The following MCTP1 variants were observed in gnomAD, a reference collection of about 807,000 sequenced individuals.
MCTP1 encodes multiple C2 and transmembrane domain containing 1.
MCTP1 carries 69 observed loss-of-function variants against 120.6 expected under a neutral mutation model. The observed-to-expected ratio is 0.57, with a 90% CI of 0.47 to 0.70. The LOEUF (loss-of-function observed/expected upper bound fraction) is 0.70. Among genes scored for constraint, MCTP1 ranks in the 30% least tolerant of loss-of-function variants. The pLI is 0.00. For synonymous variants in MCTP1, 529 were observed against 493.1 expected (o/e 1.07, Z -0.96); for missense variants, 1,203 against 1,248.8 (o/e 0.96, Z 0.55).
At chr5:94,959,987 G>A (rs561698324) in intron 2 of MCTP1, among the ~76,000 whole-genome samples, 81 of 152,158 alleles carry the variant, frequency 5.3e-4, no homozygotes, top group African/African-American at 2.0e-3. Flanking sequence ...AAATAACAAA[G>A]CTGGATGCAT....
At chr5:94,924,802 G>A (rs1487668601) in intron 6 of MCTP1, among the ~76,000 whole-genome samples, 1 of 152,166 alleles carries the variant, frequency 6.6e-6, no homozygotes, top group Non-Finnish European at 1.5e-5. Flanking sequence ...GACAGTCATG[G>A]GAAAGCATCA....
intron 19 of MCTP1, among the ~76,000 whole-genome samples, chr5:94,733,268 A>G (rs1429754216): frequency 1.3e-5 from 2 of 152,206 alleles, no homozygotes; most frequent in African/African-American, 4.8e-5. Flanking sequence ...GGGATGAGGT[A>G]TTTCTCAGGG....
intron 1 of MCTP1, among the ~76,000 whole-genome samples, chr5:95,092,125 G>T (rs1345211007): frequency 6.6e-6 from 1 of 152,166 alleles, no homozygotes; most frequent in Non-Finnish European, 1.5e-5. Flanking sequence ...AATGAATTTG[G>T]TGATCTAGCT....
At chr5:95,136,265 G>C (rs559652041) in intron 1 of MCTP1, among the ~76,000 whole-genome samples, 2 of 152,260 alleles carry the variant, frequency 1.3e-5, no homozygotes, top group African/African-American at 4.8e-5. Flanking sequence ...GAAATAACTT[G>C]CTCCTGTGTA....
intron 1 of MCTP1, among the ~76,000 whole-genome samples, chr5:95,184,097 G>T: frequency 6.6e-6 from 1 of 151,998 alleles, no homozygotes; most frequent in South Asian, 2.1e-4. Flanking sequence ...CATGGCACAT[G>T]TATACCTATG....
intron 1 of MCTP1, among the ~76,000 whole-genome samples, chr5:95,088,602 G>A (rs888881940): frequency 2.6e-5 from 4 of 152,136 alleles, no homozygotes; most frequent in African/African-American, 4.8e-5. Flanking sequence ...AACAAGTAGC[G>A]GAGTTGGGAT....
At chr5:94,877,647 C>T (rs1002171733) in intron 12 of MCTP1, 1 of 152,084 alleles carries the variant, frequency 6.6e-6, no homozygotes, top group African/African-American at 2.4e-5. Context: ...TTCTCTCTCA[C>T]TCTTAGTCCT....
At chr5:94,827,570 G>A (rs1350859498) in intron 17 of MCTP1, among the ~76,000 whole-genome samples, 1 of 152,100 alleles carries the variant, frequency 6.6e-6, no homozygotes, top group Non-Finnish European at 1.5e-5. Flanking sequence ...TTTCCAACTT[G>A]GTTGCATTTT....
At chr5:95,084,492 A>G (rs993948260) in intron 1 of MCTP1, among the ~76,000 whole-genome samples, 1 of 151,586 alleles carries the variant, frequency 6.6e-6, no homozygotes, top group Non-Finnish European at 1.5e-5. Flanking sequence ...AAGCTGCATT[A>G]GAATCTCCAA....
intron 19 of MCTP1, among the ~76,000 whole-genome samples, chr5:94,740,752 C>T (rs780069044): frequency 7.2e-5 from 11 of 152,106 alleles, no homozygotes; most frequent in Non-Finnish European, 1.3e-4. Flanking sequence ...GCCAGGCTTT[C>T]GAAGAGATAC....
chr5:94,940,726 G>GA (rs1008260053), intron 4 of MCTP1, among the ~76,000 whole-genome samples: 2 of 150,456 alleles, frequency 1.3e-5, no homozygotes, highest in Non-Finnish European at 3.0e-5. Flanking sequence ...AAAATTAATA[G>GA]AAAAAACTTC....
chr5:94,934,147 T>C (rs1815524912), intron 5 of MCTP1, among the ~76,000 whole-genome samples: 1 of 151,646 alleles, frequency 6.6e-6, no homozygotes, highest in Admixed American at 6.6e-5. Flanking sequence ...TTTTAGGTAG[T>C]TGAGTTAAGG....
At chr5:95,221,570 A>C (rs1753700927) in intron 1 of MCTP1, among the ~76,000 whole-genome samples, 1 of 152,224 alleles carries the variant, frequency 6.6e-6, no homozygotes, top group Admixed American at 6.5e-5. Flanking sequence ...AAGCAGACTG[A>C]CATCACCACT....
intron 1 of MCTP1, among the ~76,000 whole-genome samples, chr5:95,165,883 C>T (rs772653378): frequency 6.6e-6 from 1 of 152,172 alleles, no homozygotes; most frequent in African/African-American, 2.4e-5. Flanking sequence ...GAATTTTGCA[C>T]TGACCTACTG....
At chr5:94,863,944 G>A (rs908775147) in intron 17 of MCTP1, among the ~76,000 whole-genome samples, 3 of 151,660 alleles carry the variant, frequency 2.0e-5, no homozygotes, top group Non-Finnish European at 2.9e-5. Context: ...CTGTTGTCCC[G>A]AATATGATCC....
intron 1 of MCTP1, among the ~76,000 whole-genome samples, chr5:95,160,292 T>C (rs1280242681): frequency 1.3e-5 from 2 of 152,134 alleles, no homozygotes; most frequent in Admixed American, 6.5e-5. Flanking sequence ...GCAGATAAAA[T>C]AGATCTTCAG....
chr5:94,918,515 T>C (rs1344915693), intron 7 of MCTP1, among the ~76,000 whole-genome samples: 1 of 152,198 alleles, frequency 6.6e-6, no homozygotes, highest in Non-Finnish European at 1.5e-5. Context: ...TTTCTGCCTT[T>C]GCTACGAAAA....
At position 94,819,142 on chromosome 5, in the gene MCTP1, C is replaced by CTTTA; in HGVS notation, c.2437-20011_2437-20010insTAAA. Reference sequence around the variant, plus strand: ...TTATTCATTCATTCATTCTTTCATTCATTCGAGATGGAGTCTCACTCTGTC... The same window carrying CTTTA: ...TTATTCATTCATTCATTCTTTCATTCTTTAATTCGAGATGGAGTCTCACTCTGTC... On this transcript the variant is annotated intron_variant, in intron 17 of 22. Coordinates refer to ENST00000515393, the MANE Select transcript of MCTP1 (RefSeq NM_024717.7). 2.7e-5 allele frequency among the ~76,000 whole-genome samples: 4 copies of CTTTA among 150,298 alleles called. No homozygotes were observed. The South Asian group carries it at 8.5e-4, about 32-fold the overall frequency.
At chr5:95,142,466 A>G (rs1358363551) in intron 1 of MCTP1, among the ~76,000 whole-genome samples, 1 of 152,196 alleles carries the variant, frequency 6.6e-6, no homozygotes, top group East Asian at 1.9e-4. Context: ...TTTAGGCCCT[A>G]TGTCACATTT....
Sources: gnomAD v4.1 joint callset for allele counts (sites outside exome capture counted in the v4.1 genomes callset) on GRCh38, gnomAD v4.1.1 for gene constraint, MANE v1.5 for transcripts, NCBI Gene and HGNC (gene_info 2026-07-23, HGNC 2026-07-21) for gene names.